The following UBE4B variants were observed in gnomAD, a reference collection of about 807,000 sequenced individuals.
UBE4B encodes the protein ubiquitination factor E4B.
UBE4B carries 27 observed loss-of-function variants against 148.1 expected under a neutral mutation model. That is an observed-to-expected ratio of 0.18 (90% CI 0.13 to 0.25). UBE4B has a LOEUF of 0.25. Among genes scored for constraint, UBE4B ranks in the 10% least tolerant of loss-of-function variants. The pLI is 1.00. For synonymous variants in UBE4B, 596 were observed against 619.3 expected, an observed-to-expected ratio of 0.96 and a Z score of 0.56; for missense variants, 1,170 against 1,662.4, an observed-to-expected ratio of 0.70 and a Z score of 5.15.
intron 18 of UBE4B, 35 bp downstream of exon 18, chr1:10,145,074 C>T: frequency 6.5e-7 from 1 of 1,527,986 alleles, no homozygotes; most frequent in Non-Finnish European, 9.0e-7. Flanking sequence ...TATAGACCAG[C>T]CTCATAGTGA....
chr1:10,100,351 A>G (rs891613235), intron 3 of UBE4B, among the ~76,000 whole-genome samples: 32 of 151,830 alleles, frequency 2.1e-4, no homozygotes, highest in Non-Finnish European at 1.0e-4. Flanking sequence ...GAGTCTTGCT[A>G]TGCTGCCCAG....
chr1:10,139,871 G>A (rs573642730), intron 17 of UBE4B, among the ~76,000 whole-genome samples: 1 of 152,290 alleles, frequency 6.6e-6, no homozygotes, highest in Non-Finnish European at 1.5e-5. Context: ...TGGGATTACA[G>A]GCATGTGCCA....
chr1:10,046,925 C>T (rs954155914), intron 1 of UBE4B, among the ~76,000 whole-genome samples: 3 of 152,216 alleles, frequency 2.0e-5, no homozygotes, highest in Non-Finnish European at 4.4e-5. Flanking sequence ...CTTGAGTCTG[C>T]TTCATGTTTG....
At chr1:10,120,233 A>G (rs549654410) in intron 9 of UBE4B, among the ~76,000 whole-genome samples, 1 of 152,330 alleles carries the variant, frequency 6.6e-6, no homozygotes, top group Admixed American at 6.5e-5. Flanking sequence ...TACATTTAAA[A>G]GTTTAGGCCG....
At chr1:10,066,584 G>GA (rs1204348640) in intron 1 of UBE4B, among the ~76,000 whole-genome samples, 3 of 151,926 alleles carry the variant, frequency 2.0e-5, no homozygotes, top group African/African-American at 7.3e-5. Flanking sequence ...GGCCAGCTGT[G>GA]AAAAAAGAAA....
intron 3 of UBE4B, among the ~76,000 whole-genome samples, chr1:10,096,664 G>A (rs979536385): frequency 2.2e-4 from 33 of 152,148 alleles, no homozygotes; most frequent in Admixed American, 2.2e-3. Context: ...GGAGGTTGCA[G>A]TGAACCAAGA....
At chr1:10,131,833 A>G (rs1305584598) in intron 14 of UBE4B, among the ~76,000 whole-genome samples, 1 of 152,060 alleles carries the variant, frequency 6.6e-6, no homozygotes, top group East Asian at 1.9e-4. Context: ...GGTGCCTGTA[A>G]TCCCAGCGAC....
chr1:10,095,322 T>A, intron 2 of UBE4B, 139 bp from the exon 3 acceptor site: 1 of 984,316 alleles, frequency 1.0e-6, no homozygotes, highest in Non-Finnish European at 1.5e-6. Context: ...GCTTTTTATA[T>A]AATCTTCTGA....
At chr1:10,175,957 A>G (rs1245183788) in intron 25 of UBE4B, among the ~76,000 whole-genome samples, 1 of 152,148 alleles carries the variant, frequency 6.6e-6, no homozygotes, top group Non-Finnish European at 1.5e-5. Flanking sequence ...GTATCACCCC[A>G]AAAGGAAAAC....
chr1:10,052,467 A>G (rs929825609), intron 1 of UBE4B, among the ~76,000 whole-genome samples: 6 of 152,216 alleles, frequency 3.9e-5, no homozygotes, highest in Non-Finnish European at 8.8e-5. Flanking sequence ...ATGTCCGGGT[A>G]GATCATATTG....
At chr1:10,165,058 C>T (rs1019794951) in intron 23 of UBE4B, among the ~76,000 whole-genome samples, 1 of 152,070 alleles carries the variant, frequency 6.6e-6, no homozygotes, top group Non-Finnish European at 1.5e-5. Flanking sequence ...TCAGGTATAC[C>T]AAGGCATTAA....
At chr1:10,097,868 C>G (rs1233179865) in intron 3 of UBE4B, among the ~76,000 whole-genome samples, 1 of 151,924 alleles carries the variant, frequency 6.6e-6, no homozygotes, top group Non-Finnish European at 1.5e-5. Context: ...TTTCCTCAAG[C>G]ATTTGTCCTT....
intron 10 of UBE4B, among the ~76,000 whole-genome samples, chr1:10,125,703 T>C (rs1326395046): frequency 1.3e-5 from 2 of 152,184 alleles, no homozygotes; most frequent in Non-Finnish European, 2.9e-5. Context: ...CTAAATGTGT[T>C]GATCAGTGCT....
intron 21 of UBE4B, among the ~76,000 whole-genome samples, chr1:10,157,802 T>C (rs1296241054): frequency 6.6e-6 from 1 of 151,988 alleles, no homozygotes; most frequent in Non-Finnish European, 1.5e-5. Flanking sequence ...ATAATAAAAT[T>C]TGTCATGAAT....
At chr1:10,166,966 CACACAA>C (rs1646258790) in intron 23 of UBE4B, among the ~76,000 whole-genome samples, 1 of 134,730 alleles carries the variant, frequency 7.4e-6, no homozygotes, top group Non-Finnish European at 1.6e-5. Context: ...CACACACACA[CACACAA>C]AAAAAAAAAA....
In UBE4B at chr1:10,179,222, A is replaced by T; in HGVS notation, c.3701-194A>T. On this transcript the variant is annotated intron_variant, in intron 26 of 27. Transcript: ENST00000343090. Reference sequence around the variant, plus strand: ...TCCCCCCAGCAGTAGCTGACAAAGAAGCGCCTTCCCCTTACAAAAGGCAAT... The same window carrying T: ...TCCCCCCAGCAGTAGCTGACAAAGATGCGCCTTCCCCTTACAAAAGGCAAT... 3 of 631,016 alleles carry T rather than the reference A, an allele frequency of 4.8e-6. No homozygotes were observed. In the Admixed American group the frequency reaches 9.5e-5, roughly 20 times the overall value. The allele number at this position is 631,016 out of a possible 1,614,324, so 39.1% of individuals were successfully genotyped here.
At chr1:10,059,196 T>C in intron 1 of UBE4B, 1 of 151,786 alleles carries the variant, frequency 6.6e-6, no homozygotes, top group African/African-American at 2.4e-5. Context: ...CGCCATTGCA[T>C]TCCAGCCCTG....
chr1:10,146,172 C>T (rs1645868669), intron 18 of UBE4B, among the ~76,000 whole-genome samples: 1 of 152,176 alleles, frequency 6.6e-6, no homozygotes, highest in African/African-American at 2.4e-5. Flanking sequence ...GCTTAAATTG[C>T]CAGGCATGGT....
chr1:10,175,459 G>A (rs1446230689), intron 25 of UBE4B, among the ~76,000 whole-genome samples: 4 of 151,142 alleles, frequency 2.6e-5, no homozygotes, highest in South Asian at 2.1e-4. Context: ...AGACCGTCCT[G>A]GCTAACACGG....
Sources: allele counts gnomAD v4.1 joint callset (sites outside exome capture counted in the v4.1 genomes callset), GRCh38; gene constraint gnomAD v4.1.1; transcripts MANE v1.5; gene names NCBI Gene and HGNC (gene_info 2026-07-23, HGNC 2026-07-21).